Variants in PTPN7 observed in about 807,000 individuals in gnomAD.
PTPN7 encodes tyrosine-protein phosphatase non-receptor type 7.
PTPN7 carries 33 observed loss-of-function variants against 50.3 expected under a neutral mutation model. The ratio of observed to expected loss-of-function variants is 0.66; its 90% CI spans 0.50 to 0.88. PTPN7 has a LOEUF of 0.88. Ranked by LOEUF, PTPN7 falls within the 40% of genes least tolerant of loss-of-function variation. PTPN7 has a pLI of 0.00. For synonymous variants in PTPN7, 185 were observed against 186.6 expected, an observed-to-expected ratio of 0.99 and a Z score of 0.07; for missense variants, 412 against 475.4, an observed-to-expected ratio of 0.87 and a Z score of 1.24.
intron 2 of PTPN7, chr1:202,158,533 G>GTT (rs200053967): frequency 0.021 from 7,508 of 355,744 alleles, no homozygotes; most frequent in Middle Eastern, 0.034. Context: ...GCTAATTTAA[G>GTT]TTTTTTTTTT....
Position 202,159,070 on chromosome 1 carries a change from AG to A in PTPN7, c.122+210del, listed in dbSNP as rs947747100. 6.9e-6 allele frequency: 4 copies of A among 580,134 alleles called. No individual in the cohort carries two copies. Among genetic ancestry groups the A allele is most frequent in the Non-Finnish European group, 1.2e-5 (4 of 326,662 alleles). The allele number at this position is 580,134 out of a possible 1,614,324, so 35.9% of individuals were successfully genotyped here. On this transcript the variant is annotated intron_variant, in intron 2 of 9. Coordinates refer to ENST00000691036, the MANE Select transcript of PTPN7 (RefSeq NM_002832.4). The surrounding 1 kb of genome is among the most constrained non-coding windows in gnomAD (Gnocchi z 4.6). The stretch of plus-strand genomic sequence containing the variant: ...AGGCTGTGGGCCTTGCCTGGAATTT[AG>A]GGAGCAGGCTCATGGTTGATATGAA...
chr1:202,153,848 G>C lies in PTPN7; in HGVS notation c.607-13C>G. 7 of 1,601,190 alleles carry C rather than the reference G, an allele frequency of 4.4e-6. No homozygotes were observed. Among genetic ancestry groups the C allele is most frequent in the Non-Finnish European group, 6.0e-6 (7 of 1,168,218 alleles). On this transcript the variant is annotated splice_polypyrimidine_tract_variant and intron_variant, in intron 6 of 9. Transcript: ENST00000691036. ...AGTGGACACATTTCTAGGAGGGAGG[G>C]AGCTGGGAGTCAGAAGAGGGTCAGC...
chr1:202,159,581 C>A lies in PTPN7; in HGVS notation c.-52-127G>T. 1 of 1,490,938 alleles carries A rather than the reference C, an allele frequency of 6.7e-7. No individual in the cohort carries two copies. Among genetic ancestry groups the A allele is most frequent in the Middle Eastern group, 1.8e-4 (1 of 5,540 alleles). 92.4% of individuals were successfully genotyped at this position (1,490,938 alleles called of 1,614,324 possible). A position where few individuals can be genotyped will look rare whatever the true frequency, so the allele number is the denominator to read the frequency against. On this transcript the variant is annotated intron_variant, in intron 1 of 9. Transcript: ENST00000691036. This position sits in a 1 kb window ranked among gnomAD's most constrained non-coding sequence, Gnocchi z 4.6. The stretch of plus-strand genomic sequence containing the variant: ...TCTTCTGTTCCCCAAGAGGTGGCCT[C>A]ATTTTCACTAAGGGAAGGACAGGAT...
intron 5 of PTPN7, among the ~76,000 whole-genome samples, chr1:202,154,645 T>C (rs187195231): frequency 7.9e-5 from 12 of 152,340 alleles, no homozygotes; most frequent in African/African-American, 2.4e-4. Flanking sequence ...TTAAATTCAG[T>C]AAGATATATT....
chr1:202,148,681 C>T lies in PTPN7; in HGVS notation c.1008G>A (p.Thr336=), dbSNP rs374490952. 85 of 1,613,622 alleles carry T rather than the reference C, an allele frequency of 5.3e-5. No individual in the cohort carries two copies. In the Middle Eastern group the frequency reaches 2.6e-3, roughly 50 times the overall value. Residue 336 remains threonine, a synonymous_variant, in exon 10 of 10, where the codon ACG becomes ACA. Transcript: ENST00000691036. ...GGTGCAGGAACTGGTACTGCTCTGC[C>T]GTCTGGATCATCCCCCCTCTGCAAG... The part of the protein sequence containing the change: ...LRLDRGGMIQ[T]AEQYQFLHHT...
rs35407093 is a variant in PTPN7, at chr1:202,153,712, G to A, written c.717+13C>T. The A allele has an allele frequency of 0.096, 152,424 of 1,593,136 alleles. 9,150 individuals carry two copies. Among genetic ancestry groups the A allele is most frequent in the African/African-American group, 0.23 (17,508 of 74,572 alleles). On this transcript the variant is annotated intron_variant, in intron 7 of 9. Transcript: ENST00000691036. ...CCAACTTCCCACTGGGCCTGGCTCC[G>A]GGGGGGTGGTACCTGGATGGTGAGC... is the stretch of plus-strand genomic sequence containing the variant.
chr1:202,153,737 C>G lies in PTPN7; in HGVS notation c.705G>C (p.Gln235His), dbSNP rs140221360. Residue 235 changes from glutamine to histidine, a missense_variant, in exon 7 of 10, where the codon CAG becomes CAC. Gln to His is a conservative substitution (Grantham distance 24). Coordinates refer to ENST00000691036, the MANE Select transcript of PTPN7 (RefSeq NM_002832.4). ...MKECPEYTVR[Q>H]LTIQYQEERR... ...GGGGGGGTGGTACCTGGATGGTGAGCTGCCGCACAGTGTATTCTGGGCACT... is the reference window on the plus strand; with the variant it reads ...GGGGGGGTGGTACCTGGATGGTGAGGTGCCGCACAGTGTATTCTGGGCACT... 2.7e-5 allele frequency: 43 copies of G among 1,613,826 alleles called. No homozygotes were observed. In the Middle Eastern group the frequency reaches 8.3e-4, roughly 31 times the overall value.
chr1:202,160,735 C>A, upstream of PTPN7: 5 of 1,550,512 alleles, frequency 3.2e-6, no homozygotes, highest in Non-Finnish European at 4.4e-6. This position sits in a 1 kb window ranked among gnomAD's most constrained non-coding sequence, Gnocchi z 4.8. Flanking sequence ...TCGGCTGCCT[C>A]CCGCCTGTGC....
rs756084731 is a variant in PTPN7, at chr1:202,158,212, G to A, written c.212C>T (p.Thr71Ile). 1.2e-6 allele frequency: 2 copies of A among 1,614,092 alleles called. No homozygotes were observed. The highest frequency in any genetic ancestry group is 1.7e-6 in the Non-Finnish European group (2 of 1,179,974). Residue 71 changes from threonine (T) to isoleucine (I), a missense_variant, in exon 3 of 10, where the codon ACC (threonine) becomes ATC (isoleucine). Physicochemically the swap from Thr to Ile is moderately conservative, Grantham distance 89. Transcript: ENST00000691036. Reference protein sequence around the residue: ...ICSVNTPREVTLHFLRTAGHP... With the variant: ...ICSVNTPREVILHFLRTAGHP... The stretch of plus-strand genomic sequence containing the variant: ...TCCAGCAGTGCGCAGAAAGTGTAGG[G>A]TGACCTCCCGGGGTGTGTTCACAGA...
intron 9 of PTPN7, 147 bp from the exon 10 acceptor site, chr1:202,148,846 A>ATTTTT: frequency 4.8e-6 from 1 of 208,376 alleles, no homozygotes; most frequent in Non-Finnish European, 7.8e-6. Context: ...TCATCTTTTC[A>ATTTTT]CTTTTTTTTT....
At chr1:202,151,751 AG>A (rs1167098830) in intron 8 of PTPN7, among the ~76,000 whole-genome samples, 2 of 152,102 alleles carry the variant, frequency 1.3e-5, no homozygotes, top group Non-Finnish European at 2.9e-5. Context: ...TCCCGACCTC[AG>A]GTGATCCTCC....
chr1:202,150,900 T>A (rs1343337179), intron 8 of PTPN7, among the ~76,000 whole-genome samples: 1 of 152,146 alleles, frequency 6.6e-6, no homozygotes, highest in Non-Finnish European at 1.5e-5. Flanking sequence ...CTGCTTTCTC[T>A]ATCGTGCCCT....
chr1:202,150,464 A>C (rs749492229), intron 8 of PTPN7, 40 bp from the exon 9 acceptor site: 3 of 1,509,714 alleles, frequency 2.0e-6, no homozygotes, highest in African/African-American at 1.4e-5. Flanking sequence ...GTCATGGGAG[A>C]CCAGGGAATA....
At position 202,153,796 on chromosome 1, in the gene PTPN7, C is replaced by G. The variant is rs1203313565; in HGVS notation, c.646G>C (p.Gly216Arg). The stretch of plus-strand genomic sequence containing the variant: ...TCCTGGATGCGGATCTGGAAGGGTC[C>G]ATAGGTTTCCTCTTCTGTGGGCCAG... Reference protein sequence around the residue: ...HYWPTEEETYGPFQIRIQDMK... With the variant: ...HYWPTEEETYRPFQIRIQDMK... The change falls in exon 7 of 10, where the codon GGA becomes CGA. Residue 216 changes from glycine (G) to arginine (R), a missense_variant. Gly to Arg is a moderately radical substitution (Grantham distance 125, BLOSUM62 -2). Coordinates refer to ENST00000691036, the MANE Select transcript of PTPN7 (RefSeq NM_002832.4). 11 of 1,614,066 alleles carry G rather than the reference C, an allele frequency of 6.8e-6. No individual in the cohort carries two copies. Among genetic ancestry groups the G allele is most frequent in the Non-Finnish European group, 9.3e-6 (11 of 1,179,974 alleles).
In PTPN7 at chr1:202,152,206, C is replaced by T. The variant is rs373476478; in HGVS notation, c.875+336G>A. Among the ~76,000 whole-genome samples the T allele has an allele frequency of 3.3e-4, 50 of 152,316 alleles. No individual in the cohort carries two copies. The East Asian group carries it at 3.5e-3, about 11-fold the overall frequency. On this transcript the variant is annotated intron_variant, in intron 8 of 9. Coordinates refer to ENST00000691036, the MANE Select transcript of PTPN7 (RefSeq NM_002832.4). The stretch of plus-strand genomic sequence containing the variant: ...GATTATAGGTGTGAACCACCGTGCC[C>T]GGCCAATAATAGGATTTTCAATACA...
In PTPN7 at chr1:202,158,274, C is replaced by T; in HGVS notation, c.150G>A (p.Leu50=). ...CTACGGCCCCCAGGGACCGAACGTCCAGCATCAGAGCCACATTGGAGCCCC... is the reference window on the plus strand; with the variant it reads ...CTACGGCCCCCAGGGACCGAACGTCTAGCATCAGAGCCACATTGGAGCCCC... ...ERRGSNVALM[L]DVRSLGAVEP... The change falls in exon 3 of 10, where the codon CTG becomes CTA. Residue 50 remains leucine, a synonymous_variant. Transcript: ENST00000691036. 6.2e-7 allele frequency: 1 copy of T among 1,614,138 alleles called. No individual in the cohort carries two copies. The highest frequency in any genetic ancestry group is 8.5e-7 in the Non-Finnish European group (1 of 1,180,004).
rs758599307 is a variant in PTPN7, at chr1:202,152,605, A to G, written c.812T>C (p.Val271Ala). ...CTCCGGGCTCTCCTCCACCTCTGCC[A>G]CTAGGCGCAGCAGGGGCCCAGCTGA... is the stretch of plus-strand genomic sequence containing the variant. ...PESAGPLLRLVAEVEESPETA... is the reference protein window; with the variant it reads ...PESAGPLLRLAAEVEESPETA... Residue 271 changes from valine to alanine, a missense_variant, in exon 8 of 10, where the codon GTG becomes GCG. Val to Ala is a moderately conservative substitution (Grantham distance 64). Coordinates refer to ENST00000691036, the MANE Select transcript of PTPN7 (RefSeq NM_002832.4). 6.2e-7 allele frequency: 1 copy of G among 1,614,046 alleles called. No individual in the cohort carries two copies. The highest frequency in any genetic ancestry group is 8.5e-7 in the Non-Finnish European group (1 of 1,180,038).
rs1656572408 is a variant in PTPN7 at position 202,155,604 on chromosome 1, G to A, written c.397C>T (p.Gln133Ter). ...DRYKTILPNPQSRVCLGRAQS... is the reference protein window; with the variant it reads ...DRYKTILPNP ...GCCCGGCCTAGACAGACACGGCTCT[G>A]GGGATCTAGGAAATAAAAATCAGCA... is the stretch of plus-strand genomic sequence containing the variant. The change falls in exon 5 of 10, where the codon CAG becomes TAG. Residue 133 changes from glutamine to a stop codon, truncating the protein, a stop_gained. Coordinates refer to ENST00000691036, the MANE Select transcript of PTPN7 (RefSeq NM_002832.4). LOFTEE classifies it high-confidence loss of function. The A allele has an allele frequency of 6.4e-7, 1 of 1,558,392 alleles. No individual in the cohort carries two copies. The highest frequency in any genetic ancestry group is 1.4e-5 in the African/African-American group (1 of 73,606).
chr1:202,161,541 C>T (rs1311162068), upstream of PTPN7: 2 of 1,288,494 alleles, frequency 1.6e-6, no homozygotes, highest in South Asian at 2.5e-5. Context: ...CCTTGCGGGC[C>T]AGCAGCCCAG....
Sources: gnomAD v4.1 joint callset for allele counts (sites outside exome capture counted in the v4.1 genomes callset) on GRCh38, gnomAD v4.1.1 for gene constraint, Gnocchi (gnomAD v3.1) non-coding constraint, MANE v1.5 for transcripts, NCBI Gene and HGNC (gene_info 2026-07-23, HGNC 2026-07-21) for gene names.